Variants in KCNN2 observed in about 807,000 individuals in gnomAD.
The protein encoded by KCNN2 is potassium calcium-activated channel subfamily N member 2, also known as small conductance calcium-activated potassium channel protein 2.
A neutral mutation model predicts 55.5 loss-of-function variants in KCNN2; 24 were observed. That is an observed-to-expected ratio of 0.43 (90% CI 0.31 to 0.61). The LOEUF is 0.61. KCNN2 is among the 20% of genes least tolerant of loss of function. The probability of loss-of-function intolerance (pLI) is 0.08; values close to 1 mark genes in which losing one functional copy is unlikely to be tolerated. For missense variants in KCNN2, 754 were observed against 853.6 expected, an observed-to-expected ratio of 0.88 and a Z score of 1.45; for synonymous variants, 431 against 336.1, an observed-to-expected ratio of 1.28 and a Z score of -3.09.
chr5:114,196,340 G>T (rs1218126391), intron 1 of KCNN2, among the ~76,000 whole-genome samples: 5 of 151,776 alleles, frequency 3.3e-5, no homozygotes, highest in Non-Finnish European at 7.4e-5. Flanking sequence ...TATTTCTTGT[G>T]ATATCTTTTA....
At chr5:114,105,223 G>C (rs1580517790) in intron 1 of KCNN2, among the ~76,000 whole-genome samples, 1 of 152,066 alleles carries the variant, frequency 6.6e-6, no homozygotes, top group Non-Finnish European at 1.5e-5. Flanking sequence ...CTTGCACACA[G>C]ATCATCTTCA....
At chr5:114,399,101 G>C (rs1335356750) in intron 2 of KCNN2, among the ~76,000 whole-genome samples, 2 of 152,166 alleles carry the variant, frequency 1.3e-5, no homozygotes, top group African/African-American at 4.8e-5. Flanking sequence ...TGGTAAGAGA[G>C]GACATCTTTG....
intron 1 of KCNN2, among the ~76,000 whole-genome samples, chr5:114,181,705 A>T (rs1659307784): frequency 6.6e-6 from 1 of 151,922 alleles, no homozygotes; most frequent in South Asian, 2.1e-4. Context: ...TTATGTTTAG[A>T]TCTATGTCCA....
chr5:114,357,959 C>G (rs1383957898), upstream of KCNN2, among the ~76,000 whole-genome samples: 2 of 150,314 alleles, frequency 1.3e-5, no homozygotes, highest in Non-Finnish European at 3.0e-5. Context: ...TCTCCAGCAC[C>G]TGTTGTTTCC....
At chr5:114,462,209 G>C (rs1054212920) in intron 3 of KCNN2, among the ~76,000 whole-genome samples, 1 of 152,168 alleles carries the variant, frequency 6.6e-6, no homozygotes, top group Non-Finnish European at 1.5e-5. Flanking sequence ...CGGGCACAGA[G>C]GGTTACTGTT....
At chr5:114,113,681 G>C (rs140658381) in intron 1 of KCNN2, among the ~76,000 whole-genome samples, 272 of 152,198 alleles carry the variant, frequency 1.8e-3, no homozygotes, top group African/African-American at 6.3e-3. Context: ...GATTTTTTTA[G>C]CTTCTGGGAG....
Position 114,226,312 on chromosome 5 carries a change from A to T in KCNN2, c.-185+4747A>T, listed in dbSNP as rs148369769. Among the ~76,000 whole-genome samples, 829 of 152,276 alleles carry T rather than the reference A, an allele frequency of 5.4e-3. 3 individuals carry two copies. The highest frequency in any genetic ancestry group is 8.3e-3 in the Non-Finnish European group (566 of 68,018). On this transcript the variant is annotated intron_variant, in intron 2 of 10. Coordinates refer to the KCNN2 transcript ENST00000512097. ...GATACTGGCAAATTCTCTGCAGTACAGTATATCGATTTATATTCTAACAAC... is the reference window on the plus strand; with the variant it reads ...GATACTGGCAAATTCTCTGCAGTACTGTATATCGATTTATATTCTAACAAC...
chr5:114,456,782 G>T (rs1030638317), intron 3 of KCNN2, among the ~76,000 whole-genome samples: 30 of 152,264 alleles, frequency 2.0e-4, no homozygotes, highest in African/African-American at 7.2e-4. Flanking sequence ...AGAAGAAGTA[G>T]CTGCAGGTAT....
At chr5:114,388,215 C>T (rs566474295) in intron 2 of KCNN2, among the ~76,000 whole-genome samples, 7 of 152,148 alleles carry the variant, frequency 4.6e-5, no homozygotes, top group Non-Finnish European at 8.8e-5. Flanking sequence ...ATTTTGGGTT[C>T]GTAATGTTTT....
rs146440981 is a variant in KCNN2 at position 114,063,365 on chromosome 5, T to C, written c.-271+6865T>C. On this transcript the variant is annotated intron_variant, in intron 1 of 10. Coordinates refer to the KCNN2 transcript ENST00000512097. ...GCAATACAGAAATATGATTTTGCCA[T>C]ATGTGGGATAGTAGAGACAGAGGAA... 2.3e-4 allele frequency among the ~76,000 whole-genome samples: 35 copies of C among 152,332 alleles called. No individual in the cohort carries two copies. In the East Asian group the frequency reaches 2.7e-3, roughly 12 times the overall value.
Position 114,418,541 on chromosome 5 carries a change from A to G in KCNN2, c.1637+13685A>G, listed in dbSNP as rs576709160. ...GGCTCTCAGCAACTGTGCAGCTGCC[A>G]TCATTGTCTGGGATTTGCAATGGGG... On this transcript the variant is annotated intron_variant, in intron 3 of 7. Transcript: ENST00000673685. Among the ~76,000 whole-genome samples, 6 of 152,082 alleles carry G rather than the reference A, an allele frequency of 3.9e-5. No individual in the cohort carries two copies. In the South Asian group the frequency reaches 1.2e-3, roughly 32 times the overall value.
At chr5:114,272,724 T>A (rs146809188) in intron 2 of KCNN2, among the ~76,000 whole-genome samples, 1 of 152,170 alleles carries the variant, frequency 6.6e-6, no homozygotes, top group African/African-American at 2.4e-5. Flanking sequence ...AAGCTGTTAA[T>A]GTTGGCTTTT....
intron 2 of KCNN2, among the ~76,000 whole-genome samples, chr5:114,247,202 C>CAAAAA (rs370172975): frequency 0.015 from 1,030 of 67,022 alleles, 5 homozygotes; most frequent in Non-Finnish European, 0.019. Context: ...CATATGTCTC[C>CAAAAA]AAAAAAAAAA....
chr5:114,286,527 G>A (rs1755757870), intron 2 of KCNN2, among the ~76,000 whole-genome samples: 1 of 152,182 alleles, frequency 6.6e-6, no homozygotes, highest in Non-Finnish European at 1.5e-5. Context: ...GAAAACTAAT[G>A]TTTTAGTGTA....
At chr5:114,117,109 C>A (rs914871953) in intron 1 of KCNN2, among the ~76,000 whole-genome samples, 1 of 152,128 alleles carries the variant, frequency 6.6e-6, no homozygotes, top group Admixed American at 6.6e-5. Flanking sequence ...AATTTAATTT[C>A]TGGCTTACTT....
intron 1 of KCNN2, among the ~76,000 whole-genome samples, chr5:114,100,283 A>G (rs772722865): frequency 2.3e-4 from 35 of 152,276 alleles, no homozygotes; most frequent in Non-Finnish European, 4.0e-4. Flanking sequence ...ATAGTAGTCC[A>G]GGTAGATTTT....
At chr5:114,125,031 C>T (rs1465196150) in intron 1 of KCNN2, among the ~76,000 whole-genome samples, 1 of 152,070 alleles carries the variant, frequency 6.6e-6, no homozygotes, top group Non-Finnish European at 1.5e-5. Flanking sequence ...ACCTGAGACA[C>T]AGCCCTGAAT....
intron 2 of KCNN2, among the ~76,000 whole-genome samples, chr5:114,283,614 G>A (rs1055912226): frequency 6.6e-6 from 1 of 152,048 alleles, no homozygotes; most frequent in Non-Finnish European, 1.5e-5. Flanking sequence ...TTTCGTTGTT[G>A]CCTAAACATT....
chr5:114,412,077 T>C (rs1336867715), intron 3 of KCNN2, among the ~76,000 whole-genome samples: 1 of 152,192 alleles, frequency 6.6e-6, no homozygotes, highest in Non-Finnish European at 1.5e-5. Context: ...AATATCTCAT[T>C]TTGTAACTAG....
Sources: allele counts gnomAD v4.1 joint callset (sites outside exome capture counted in the v4.1 genomes callset), GRCh38; gene constraint gnomAD v4.1.1; transcripts MANE v1.5; gene names NCBI Gene and HGNC (gene_info 2026-07-23, HGNC 2026-07-21).